The following SASH1 variants were observed in gnomAD, a reference collection of about 807,000 sequenced individuals.
SASH1 encodes the protein SAM and SH3 domain-containing protein 1.
A neutral mutation model predicts 125.2 loss-of-function variants in SASH1; 44 were observed. The ratio of observed to expected loss-of-function variants is 0.35; its 90% CI spans 0.28 to 0.45. The LOEUF (loss-of-function observed/expected upper bound fraction) is 0.45, where lower values mean the gene tolerates loss of function less well. Among genes scored for constraint, SASH1 ranks in the 20% least tolerant of loss-of-function variants. The pLI is 1.00. For missense variants in SASH1, 1,426 were observed against 1,614.5 expected, an observed-to-expected ratio of 0.88 and a Z score of 2.00; for synonymous variants, 639 against 649.1, an observed-to-expected ratio of 0.98 and a Z score of 0.24.
chr6:148,279,534 A>G (rs981740287), intron 1 of SASH1, among the ~76,000 whole-genome samples: 4 of 152,186 alleles, frequency 2.6e-5, no homozygotes, highest in Non-Finnish European at 5.9e-5. Flanking sequence ...TAATTCTAAG[A>G]TTACACAAAA....
the SASH1 span, among the ~76,000 whole-genome samples, chr6:148,200,295 A>G: frequency 6.6e-6 from 1 of 152,342 alleles, no homozygotes; most frequent in East Asian, 1.9e-4. Flanking sequence ...TTAGAACTCT[A>G]GCCTGAAACA....
intron 17 of SASH1, among the ~76,000 whole-genome samples, chr6:148,540,823 A>G (rs1195040233): frequency 6.6e-6 from 1 of 152,120 alleles, no homozygotes; most frequent in Non-Finnish European, 1.5e-5. Context: ...AATAAAAACC[A>G]ACATTGGAGT....
chr6:148,497,085 A>G (rs1323033071), intron 8 of SASH1, among the ~76,000 whole-genome samples: 3 of 152,190 alleles, frequency 2.0e-5, no homozygotes, highest in Admixed American at 2.0e-4. Context: ...CTAAAATGAT[A>G]GTAAAATAAG....
chr6:148,514,047 A>G, intron 8 of SASH1: 1 of 1,141,850 alleles, frequency 8.8e-7, no homozygotes, highest in Non-Finnish European at 1.1e-6. Flanking sequence ...AGGACAAGGA[A>G]GTAGTTGAGA....
chr6:148,411,282 C>G, intron 2 of SASH1, among the ~76,000 whole-genome samples: 1 of 150,418 alleles, frequency 6.6e-6, no homozygotes, highest in East Asian at 1.9e-4. Context: ...TTCAATCAGT[C>G]ACTAAATATT....
Position 148,551,635 on chromosome 6 carries a change from G to A in SASH1, c.*3077G>A, listed in dbSNP as rs1782881778. On this transcript the variant is annotated 3_prime_UTR_variant, in exon 20 of 20. Coordinates refer to ENST00000367467, the MANE Select transcript of SASH1 (RefSeq NM_015278.5). ...GCAGCAAAAAAGGTCAACTTGCCAA[G>A]TCACTGCTGCCATGTGTGTACTGTA... The A allele has an allele frequency of 6.6e-6, 1 of 152,408 alleles. No homozygotes were observed. 9.4% of individuals were successfully genotyped at this position (152,408 alleles called of 1,614,324 possible).
At chr6:148,456,250 T>G (rs1022173690) in intron 4 of SASH1, among the ~76,000 whole-genome samples, 1 of 151,992 alleles carries the variant, frequency 6.6e-6, no homozygotes, top group African/African-American at 2.4e-5. Context: ...TCCCCCTAGG[T>G]TCTTGCACAT....
chr6:148,525,177 T>C, intron 10 of SASH1, 114 bp from the exon 11 acceptor site: 1 of 736,062 alleles, frequency 1.4e-6, no homozygotes, highest in Non-Finnish European at 2.4e-6. Context: ...ACTTTCATCC[T>C]GTCCACGTAT....
At chr6:148,326,356 A>T (rs1428110968) in intron 1 of SASH1, among the ~76,000 whole-genome samples, 26 of 75,102 alleles carry the variant, frequency 3.5e-4, no homozygotes, top group East Asian at 1.6e-3. Flanking sequence ...ATATATATAT[A>T]TGCATATATA....
At chr6:148,292,491 G>A (rs952200086) in intron 1 of SASH1, among the ~76,000 whole-genome samples, 3 of 152,110 alleles carry the variant, frequency 2.0e-5, no homozygotes, top group South Asian at 2.1e-4. Flanking sequence ...TCTCTTCTAC[G>A]TGCTTATAGA....
At chr6:148,462,739 A>G (rs1777675538) in intron 4 of SASH1, among the ~76,000 whole-genome samples, 1 of 152,154 alleles carries the variant, frequency 6.6e-6, no homozygotes, top group African/African-American at 2.4e-5. Flanking sequence ...CTTTCTGTCT[A>G]TCCCTTAAAT....
At position 148,275,046 on chromosome 6, in the gene SASH1, G is replaced by A. The variant is rs555531054; in HGVS notation, n.74+2669G>A. ...GAACTCGTGGCTCTTCAGAAGTTTT[G>A]TAAGCCATTGTTTAGAATTCAGAAC... On this transcript the variant is annotated intron_variant and non_coding_transcript_variant, in intron 1 of 3. Coordinates refer to the SASH1 transcript ENST00000367469. Among the ~76,000 whole-genome samples, 7 of 152,240 alleles carry A rather than the reference G, an allele frequency of 4.6e-5. No individual in the cohort carries two copies. The South Asian group carries it at 1.0e-3, about 23-fold the overall frequency.
At chr6:148,256,835 A>T in the SASH1 span, among the ~76,000 whole-genome samples, 3 of 152,192 alleles carry the variant, frequency 2.0e-5, no homozygotes, top group Non-Finnish European at 4.4e-5. Flanking sequence ...AGATTTCAAT[A>T]AACATGACTT....
chr6:148,395,707 T>A (rs1166534252), intron 2 of SASH1, among the ~76,000 whole-genome samples: 2 of 152,176 alleles, frequency 1.3e-5, no homozygotes, highest in African/African-American at 4.8e-5. Flanking sequence ...GTTGCCCATA[T>A]CTCTCCACAT....
rs1385670585 is a variant in SASH1, at chr6:148,529,794, G to T, written c.1429-1732G>T. ...CAAAAATAATGGAAGGTTTTATGTGGTTGTTTTTTTTTTGTTTTTGTTTTT... is the reference window on the plus strand; with the variant it reads ...CAAAAATAATGGAAGGTTTTATGTGTTTGTTTTTTTTTTGTTTTTGTTTTT... On this transcript the variant is annotated intron_variant, in intron 12 of 19. Coordinates refer to ENST00000367467, the MANE Select transcript of SASH1 (RefSeq NM_015278.5). This position sits in a 1 kb window ranked among gnomAD's most constrained non-coding sequence, Gnocchi z 4.2. 6.7e-6 allele frequency among the ~76,000 whole-genome samples: 1 copy of T among 149,838 alleles called. No individual in the cohort carries two copies. The highest frequency in any genetic ancestry group is 2.5e-5 in the African/African-American group (1 of 39,588).
intron 5 of SASH1, among the ~76,000 whole-genome samples, chr6:148,469,451 C>T (rs1777997339): frequency 6.6e-6 from 1 of 152,176 alleles, no homozygotes; most frequent in South Asian, 2.1e-4. Context: ...AATATATTGT[C>T]AGCCTGTGCA....
intron 2 of SASH1, among the ~76,000 whole-genome samples, chr6:148,437,812 G>C (rs1469059618): frequency 2.0e-5 from 3 of 152,190 alleles, no homozygotes; most frequent in African/African-American, 7.2e-5. Context: ...TTAAAATTTT[G>C]CTTCCCTATC....
At chr6:148,399,311 G>A (rs1784082737) in intron 2 of SASH1, among the ~76,000 whole-genome samples, 1 of 142,092 alleles carries the variant, frequency 7.0e-6, no homozygotes, top group Non-Finnish European at 1.5e-5. Context: ...TCCACCTCCC[G>A]GGTTCAAGTG....
chr6:148,496,894 T>A (rs934809640), intron 8 of SASH1, among the ~76,000 whole-genome samples: 1 of 151,720 alleles, frequency 6.6e-6, no homozygotes, highest in African/African-American at 2.4e-5. Flanking sequence ...AAAAAAAAAG[T>A]AAATTTTTTA....
Sources: allele counts gnomAD v4.1 joint callset (sites outside exome capture counted in the v4.1 genomes callset), GRCh38; gene constraint gnomAD v4.1.1; non-coding constraint Gnocchi (gnomAD v3.1); transcripts MANE v1.5; gene names NCBI Gene and HGNC (gene_info 2026-07-23, HGNC 2026-07-21).